C1orf115: variants seen among roughly 807,000 people sequenced by gnomAD.
The protein encoded by C1orf115 is chromosome 1 open reading frame 115, also known as required for drug-induced death protein 1.
A neutral mutation model predicts 12.5 loss-of-function variants in C1orf115; 14 were observed. The ratio of observed to expected loss-of-function variants is 1.12; its 90% CI spans 0.74 to 1.75. The LOEUF (loss-of-function observed/expected upper bound fraction) is 1.75, where lower values mean the gene tolerates loss of function less well. Ranked by LOEUF, C1orf115 falls within the 40% of genes most tolerant of loss-of-function variation. C1orf115 has a pLI of 0.00. For missense variants in C1orf115, 237 were observed against 220.8 expected (o/e 1.07, Z -0.46); for synonymous variants, 109 against 104.6 (o/e 1.04, Z -0.26).
At position 220,698,891 on chromosome 1, in the gene C1orf115, A is replaced by AT. The variant is rs1670231479; in HGVS notation, c.*2161dup. 6.6e-6 allele frequency: 1 copy of AT among 152,136 alleles called. No individual in the cohort carries two copies. Among genetic ancestry groups the AT allele is most frequent in the African/African-American group, 2.4e-5 (1 of 41,406 alleles). The allele number at this position is 152,136 out of a possible 1,614,324, so 9.4% of individuals were successfully genotyped here. Reference sequence around the variant, plus strand: ...CACGGGTACAGAAGATGAATCTCAGATGTCACTCAACCTGAGCCGTCATTC... The same window carrying AT: ...CACGGGTACAGAAGATGAATCTCAGATTGTCACTCAACCTGAGCCGTCATTC... On this transcript the variant is annotated 3_prime_UTR_variant, in exon 2 of 2. Coordinates refer to ENST00000294889, the MANE Select transcript of C1orf115 (RefSeq NM_024709.5).
chr1:220,696,896 C>T lies in C1orf115; in HGVS notation c.*165C>T. 1 of 849,588 alleles carries T rather than the reference C, an allele frequency of 1.2e-6. No individual in the cohort carries two copies. The highest frequency in any genetic ancestry group is 1.7e-6 in the Non-Finnish European group (1 of 603,350). 52.6% of individuals were successfully genotyped at this position (849,588 alleles called of 1,614,324 possible). ...GTATGATGAGTGAGTCATCCCTGCC[C>T]ATCTGCTGAGCTTCTCACATCTCTC... On this transcript the variant is annotated 3_prime_UTR_variant, in exon 2 of 2. Transcript: ENST00000294889.
In C1orf115 at chr1:220,690,576, G is replaced by C. The variant is rs1378126753; in HGVS notation, c.174G>C (p.Glu58Asp). ...AGAGCGGGACGAGCGCGGCGGACGA[G>C]CGGGGCCCGGGGACCCGGGGCGCGC... is the stretch of plus-strand genomic sequence containing the variant. ...AAESGTSAADERGPGTRGARR... is the reference protein window; with the variant it reads ...AAESGTSAADDRGPGTRGARR... The change falls in exon 1 of 2, where the codon GAG becomes GAC. Residue 58 changes from glutamate to aspartate, a missense_variant. Glu to Asp is a conservative substitution (Grantham distance 45, BLOSUM62 2). Transcript: ENST00000294889. 6.7e-7 allele frequency: 1 copy of C among 1,499,878 alleles called. No individual in the cohort carries two copies. The highest frequency in any genetic ancestry group is 1.3e-5 in the South Asian group (1 of 78,308). The allele number at this position is 1,499,878 out of a possible 1,614,324, so 92.9% of individuals were successfully genotyped here. A position where few individuals can be genotyped will look rare whatever the true frequency, so the allele number is the denominator to read the frequency against.
chr1:220,695,377 G>T (rs1670175767), intron 1 of C1orf115, among the ~76,000 whole-genome samples: 1 of 152,254 alleles, frequency 6.6e-6, no homozygotes, highest in Non-Finnish European at 1.5e-5. Flanking sequence ...GAATGGCTTG[G>T]GGGAAGAAGA....
chr1:220,696,023 A>G (rs887539801), intron 1 of C1orf115, among the ~76,000 whole-genome samples: 2 of 152,182 alleles, frequency 1.3e-5, no homozygotes, highest in African/African-American at 4.8e-5. Context: ...AGTGGTTACC[A>G]AGAAAGCATT....
rs911080662 is a variant in C1orf115, at chr1:220,698,025, C to G, written c.*1294C>G. On this transcript the variant is annotated 3_prime_UTR_variant, in exon 2 of 2. Coordinates refer to ENST00000294889, the MANE Select transcript of C1orf115 (RefSeq NM_024709.5). ...GGGTAAGGTGGGCATGGGTCTTGGG[C>G]CTGACACCCACCAAGGATGACCTGT... 2.6e-5 allele frequency: 4 copies of G among 152,396 alleles called. No homozygotes were observed. The highest frequency in any genetic ancestry group is 9.7e-5 in the African/African-American group (4 of 41,360). 9.4% of individuals were successfully genotyped at this position (152,396 alleles called of 1,614,324 possible). A position where few individuals can be genotyped will look rare whatever the true frequency, so the allele number is the denominator to read the frequency against.
chr1:220,693,276 A>G (rs1383022379), intron 1 of C1orf115, among the ~76,000 whole-genome samples: 1 of 152,222 alleles, frequency 6.6e-6, no homozygotes, highest in African/African-American at 2.4e-5. Context: ...TTAATGAACT[A>G]TTTTAGTAGA....
At position 220,699,074 on chromosome 1, in the gene C1orf115, G is replaced by C. The variant is rs1443025499; in HGVS notation, c.*2343G>C. The C allele has an allele frequency of 6.6e-6, 1 of 151,598 alleles. No individual in the cohort carries two copies. The highest frequency in any genetic ancestry group is 1.5e-5 in the Non-Finnish European group (1 of 67,972). 9.4% of individuals were successfully genotyped at this position (151,598 alleles called of 1,614,324 possible). A position where few individuals can be genotyped will look rare whatever the true frequency, so the allele number is the denominator to read the frequency against. On this transcript the variant is annotated 3_prime_UTR_variant, in exon 2 of 2. Transcript: ENST00000294889. ...CTGAGTATTGAGTTTTAGAGCTTTC[G>C]CTTGATGTGCTTGACCAAGAGACTT... is the stretch of plus-strand genomic sequence containing the variant.
chr1:220,697,002 C>T lies in C1orf115; in HGVS notation c.*271C>T, dbSNP rs1438281161. The T allele has an allele frequency of 3.4e-6, 1 of 297,778 alleles. No homozygotes were observed. Among genetic ancestry groups the T allele is most frequent in the East Asian group, 5.9e-5 (1 of 16,826 alleles). 18.4% of individuals were successfully genotyped at this position (297,778 alleles called of 1,614,324 possible). A position where few individuals can be genotyped will look rare whatever the true frequency, so the allele number is the denominator to read the frequency against. On this transcript the variant is annotated 3_prime_UTR_variant, in exon 2 of 2. Transcript: ENST00000294889. This position sits in a 1 kb window ranked among gnomAD's most constrained non-coding sequence, Gnocchi z 4.5. ...TGGGAGTGGAGCTAGCGTGCTAAAG[C>T]CAGAGCCTTCACGTGAAGGTGGCAG... is the stretch of plus-strand genomic sequence containing the variant.
rs1670205295 is a variant in C1orf115 at position 220,696,996 on chromosome 1, C to T, written c.*265C>T. The T allele has an allele frequency of 3.1e-6, 1 of 319,226 alleles. No individual in the cohort carries two copies. The highest frequency in any genetic ancestry group is 5.6e-6 in the Non-Finnish European group (1 of 177,876). The allele number at this position is 319,226 out of a possible 1,614,324, so 19.8% of individuals were successfully genotyped here. On this transcript the variant is annotated 3_prime_UTR_variant, in exon 2 of 2. Transcript: ENST00000294889. ...TAGGTTTGGGAGTGGAGCTAGCGTG[C>T]TAAAGCCAGAGCCTTCACGTGAAGG...
At chr1:220,691,619 G>A (rs1670109392) in intron 1 of C1orf115, among the ~76,000 whole-genome samples, 1 of 152,180 alleles carries the variant, frequency 6.6e-6, no homozygotes, top group Non-Finnish European at 1.5e-5. Flanking sequence ...AGCAGCTTCT[G>A]GAGCAGAATA....
In C1orf115 at chr1:220,690,524, A is replaced by C; in HGVS notation, c.122A>C (p.Tyr41Ser). 1 of 1,442,246 alleles carries C rather than the reference A, an allele frequency of 6.9e-7. No homozygotes were observed. Among genetic ancestry groups the C allele is most frequent in the East Asian group, 2.9e-5 (1 of 34,568 alleles). The allele number at this position is 1,442,246 out of a possible 1,614,324, so 89.3% of individuals were successfully genotyped here. The change falls in exon 1 of 2, where the codon TAC becomes TCC. Residue 41 changes from tyrosine (Y) to serine (S), a missense_variant. Physicochemically the swap from Tyr to Ser is moderately radical, Grantham distance 144. Transcript: ENST00000294889. ...EAAAILEHLE[Y>S]ADEAEAAAES... is the part of the protein sequence containing the mutation. The stretch of plus-strand genomic sequence containing the variant: ...GCCGCCATCCTGGAGCACCTGGAGT[A>C]CGCGGACGAGGCGGAGGCGGCGGCC...
chr1:220,693,255 C>T (rs1479732388), intron 1 of C1orf115, among the ~76,000 whole-genome samples: 1 of 152,188 alleles, frequency 6.6e-6, no homozygotes, highest in Non-Finnish European at 1.5e-5. Context: ...GTGTTTTTAA[C>T]AGTGTTCCAG....
rs1670203257 is a variant in C1orf115 at position 220,696,820 on chromosome 1, A to G, written c.*89A>G. The G allele has an allele frequency of 1.4e-6, 2 of 1,445,086 alleles. No individual in the cohort carries two copies. The highest frequency in any genetic ancestry group is 1.9e-6 in the Non-Finnish European group (2 of 1,072,190). 89.5% of individuals were successfully genotyped at this position (1,445,086 alleles called of 1,614,324 possible). A position where few individuals can be genotyped will look rare whatever the true frequency, so the allele number is the denominator to read the frequency against. On this transcript the variant is annotated 3_prime_UTR_variant, in exon 2 of 2. Transcript: ENST00000294889. ...ATCCTGGAGCATCTCAGACTTGAAC[A>G]CACAGCATATTTGGAAGAGAAAACA...
At position 220,696,755 on chromosome 1, in the gene C1orf115, C is replaced by T; in HGVS notation, c.*24C>T. On this transcript the variant is annotated 3_prime_UTR_variant, in exon 2 of 2. Coordinates refer to ENST00000294889, the MANE Select transcript of C1orf115 (RefSeq NM_024709.5). ...AATGGGAGCTGCTGTGGCAGGTGCC[C>T]CCAGAGTGAACGGGAGCCCCTGCTG... is the stretch of plus-strand genomic sequence containing the variant. 1 of 1,563,798 alleles carries T rather than the reference C, an allele frequency of 6.4e-7. No individual in the cohort carries two copies. Among genetic ancestry groups the T allele is most frequent in the South Asian group, 1.2e-5 (1 of 86,754 alleles).
At chr1:220,695,891 T>TTGG (rs1558344429) in intron 1 of C1orf115, among the ~76,000 whole-genome samples, 2 of 151,954 alleles carry the variant, frequency 1.3e-5, no homozygotes, top group African/African-American at 4.8e-5. Flanking sequence ...CAATAAATGT[T>TTGG]TGGTGGTGGT....
In C1orf115 at chr1:220,698,162, A is replaced by T. The variant is rs558919728; in HGVS notation, c.*1431A>T. On this transcript the variant is annotated 3_prime_UTR_variant, in exon 2 of 2. Transcript: ENST00000294889. Reference sequence around the variant, plus strand: ...GACTTTGTTTCCAGAATATCCAGAAATCCAAAGGGGCTGTTGCTGAACAGT... The same window carrying T: ...GACTTTGTTTCCAGAATATCCAGAATTCCAAAGGGGCTGTTGCTGAACAGT... 4 of 152,460 alleles carry T rather than the reference A, an allele frequency of 2.6e-5. No homozygotes were observed. The East Asian group carries it at 7.7e-4, about 29-fold the overall frequency. The allele number at this position is 152,460 out of a possible 1,614,324, so 9.4% of individuals were successfully genotyped here.
rs1490527669 is a variant in C1orf115 at position 220,690,408 on chromosome 1, G to A, written c.6G>A (p.Thr2=). 4 of 1,428,052 alleles carry A rather than the reference G, an allele frequency of 2.8e-6. No homozygotes were observed. The highest frequency in any genetic ancestry group is 3.0e-5 in the East Asian group (1 of 33,690). The allele number at this position is 1,428,052 out of a possible 1,614,324, so 88.5% of individuals were successfully genotyped here. Residue 2 remains threonine, a synonymous_variant, in exon 1 of 2, where the codon ACG becomes ACA. Coordinates refer to ENST00000294889, the MANE Select transcript of C1orf115 (RefSeq NM_024709.5). M[T]VGARLRSKAE... ...GCCAGAGGGGCCGGGACATCATGACGGTGGGAGCCAGGCTCCGAAGCAAGG... is the reference window on the plus strand; with the variant it reads ...GCCAGAGGGGCCGGGACATCATGACAGTGGGAGCCAGGCTCCGAAGCAAGG...
chr1:220,694,677 T>G (rs1670162863), intron 1 of C1orf115, among the ~76,000 whole-genome samples: 1 of 152,226 alleles, frequency 6.6e-6, no homozygotes, highest in South Asian at 2.1e-4. Flanking sequence ...TAGGTTTATG[T>G]GCTTAGGGCT....
intron 1 of C1orf115, among the ~76,000 whole-genome samples, chr1:220,692,461 A>G (rs1670127284): frequency 6.6e-6 from 1 of 152,254 alleles, no homozygotes; most frequent in African/African-American, 2.4e-5. Flanking sequence ...ATTCAGCCAT[A>G]AAAGGAAGGA....
Sources: allele counts gnomAD v4.1 joint callset (sites outside exome capture counted in the v4.1 genomes callset), GRCh38; gene constraint gnomAD v4.1.1; non-coding constraint Gnocchi (gnomAD v3.1); transcripts MANE v1.5; gene names NCBI Gene and HGNC (gene_info 2026-07-23, HGNC 2026-07-21).